RGS6: variants seen among roughly 807,000 people sequenced by gnomAD.
RGS6 encodes regulator of G-protein signaling 6.
In RGS6, 30 loss-of-function variants were observed where a neutral mutation model predicts 78.5. That is an observed-to-expected ratio of 0.38 (90% CI 0.29 to 0.52). The LOEUF is 0.52. Ranked by LOEUF, RGS6 falls within the 20% of genes least tolerant of loss-of-function variation. The pLI is 0.85. For missense variants in RGS6, 495 were observed against 609.7 expected, an observed-to-expected ratio of 0.81 and a Z score of 1.98; for synonymous variants, 206 against 206.0, an observed-to-expected ratio of 1.00 and a Z score of 0.00.
chr14:72,024,071 A>G (rs1404156246), intron 2 of RGS6, among the ~76,000 whole-genome samples: 1 of 122,136 alleles, frequency 8.2e-6, no homozygotes, highest in East Asian at 2.9e-4. Flanking sequence ...TGTGTCTAGC[A>G]CATAACGAGG....
upstream of RGS6, among the ~76,000 whole-genome samples, chr14:71,931,051 G>T (rs2087822330): frequency 7.8e-6 from 1 of 128,934 alleles, no homozygotes; most frequent in Non-Finnish European, 1.6e-5. Flanking sequence ...TTCCCTAGTT[G>T]CTACCTTTCG....
the RGS6 span, among the ~76,000 whole-genome samples, chr14:71,913,733 C>A: frequency 6.6e-6 from 1 of 152,240 alleles, no homozygotes; most frequent in Non-Finnish European, 1.5e-5. Context: ...TCTCTTCCTG[C>A]TCTTTGGTCA....
At chr14:72,597,640 GT>G in the RGS6 span, among the ~76,000 whole-genome samples, 1 of 121,906 alleles carries the variant, frequency 8.2e-6, no homozygotes, top group Non-Finnish European at 1.9e-5. Flanking sequence ...GGGTTATATA[GT>G]GAGAAGCTTT....
chr14:72,193,272 G>A (rs148049294), intron 2 of RGS6, among the ~76,000 whole-genome samples: 5,441 of 152,266 alleles, frequency 0.036, 139 homozygotes, highest in Admixed American at 0.083. Flanking sequence ...GGGATTTCAG[G>A]CATGAGCCAC....
intron 7 of RGS6, among the ~76,000 whole-genome samples, chr14:72,467,867 T>G (rs534590124): frequency 6.6e-6 from 1 of 152,272 alleles, no homozygotes; most frequent in African/African-American, 2.4e-5. Context: ...TTGTACTCTT[T>G]GTGCGCCCAG....
chr14:71,875,682 GC>G, the RGS6 span, among the ~76,000 whole-genome samples: 1 of 152,056 alleles, frequency 6.6e-6, no homozygotes, highest in Non-Finnish European at 1.5e-5. Flanking sequence ...CTTGCCTTCT[GC>G]TAGCTTTTGA....
chr14:72,522,954 C>T (rs1598671798), intron 15 of RGS6, among the ~76,000 whole-genome samples: 5 of 152,194 alleles, frequency 3.3e-5, no homozygotes, highest in Non-Finnish European at 7.3e-5. Context: ...GCCATGGCAA[C>T]ACAGCAATCT....
At chr14:71,966,624 A>G (rs542466552) in intron 2 of RGS6, among the ~76,000 whole-genome samples, 5 of 152,232 alleles carry the variant, frequency 3.3e-5, no homozygotes, top group Admixed American at 1.3e-4. Flanking sequence ...ATGAGCCACA[A>G]TTTTTTCATC....
At chr14:71,957,281 GGAT>G (rs1383127269) in intron 1 of RGS6, among the ~76,000 whole-genome samples, 1 of 152,178 alleles carries the variant, frequency 6.6e-6, no homozygotes, top group Non-Finnish European at 1.5e-5. Context: ...ACAGCAGTGA[GGAT>G]GAGCAGAAAG....
intron 3 of RGS6, among the ~76,000 whole-genome samples, chr14:72,395,804 T>C (rs1343978538): frequency 6.6e-6 from 1 of 152,090 alleles, no homozygotes; most frequent in Non-Finnish European, 1.5e-5. Flanking sequence ...TCCCTTGCGA[T>C]AGTTTGCTGA....
chr14:72,073,709 C>G (rs2094483431), intron 2 of RGS6, among the ~76,000 whole-genome samples: 1 of 152,110 alleles, frequency 6.6e-6, no homozygotes, highest in African/African-American at 2.4e-5. Flanking sequence ...CAGACAATGG[C>G]CTTGGCTGGA....
chr14:72,398,216 C>A (rs2152984616), intron 3 of RGS6, among the ~76,000 whole-genome samples: 1 of 152,234 alleles, frequency 6.6e-6, no homozygotes, highest in East Asian at 1.9e-4. Flanking sequence ...TTAATTATTG[C>A]CTCAATTTGA....
At chr14:72,004,557 A>G (rs4902972) in intron 2 of RGS6, among the ~76,000 whole-genome samples, 125,032 of 152,196 alleles carry the variant, frequency 0.82, 52,259 homozygotes, top group South Asian at 0.9. Flanking sequence ...TCTCAAGCTC[A>G]GCACAGTGGT....
intron 2 of RGS6, among the ~76,000 whole-genome samples, chr14:71,984,308 A>AC (rs1566960524): frequency 1.8e-5 from 2 of 110,044 alleles, no homozygotes; most frequent in African/African-American, 6.4e-5. Context: ...TAAAAAAAAA[A>AC]AAAAAAAAAA....
At chr14:71,876,928 C>T in the RGS6 span, among the ~76,000 whole-genome samples, 1 of 152,128 alleles carries the variant, frequency 6.6e-6, no homozygotes, top group Non-Finnish European at 1.5e-5. Flanking sequence ...TTCTCCTTCA[C>T]TTATGAAGCT....
At chr14:72,530,968 C>CTAGACAG (rs1306135744) in intron 15 of RGS6, among the ~76,000 whole-genome samples, 2 of 127,702 alleles carry the variant, frequency 1.6e-5, no homozygotes, top group Non-Finnish European at 3.2e-5. Flanking sequence ...TGAGCCTGTG[C>CTAGACAG]TAGACAGTAT....
chr14:72,271,130 T>C (rs2059868952), intron 2 of RGS6, among the ~76,000 whole-genome samples: 1 of 152,164 alleles, frequency 6.6e-6, no homozygotes, highest in Admixed American at 6.5e-5. Flanking sequence ...TCATTAATAT[T>C]GTTCCTCTCG....
intron 3 of RGS6, among the ~76,000 whole-genome samples, chr14:72,452,017 T>C (rs1308264042): frequency 1.3e-5 from 2 of 152,178 alleles, no homozygotes; most frequent in East Asian, 1.9e-4. Flanking sequence ...CCAAAAGTGT[T>C]GGGATTATAG....
intron 17 of RGS6, among the ~76,000 whole-genome samples, chr14:72,554,083 A>G (rs2097540095): frequency 6.6e-6 from 1 of 152,214 alleles, no homozygotes; most frequent in African/African-American, 2.4e-5. Context: ...TGCCTGCTAA[A>G]TTGCATTCCT....
Sources: gnomAD v4.1 joint callset for allele counts (sites outside exome capture counted in the v4.1 genomes callset) on GRCh38, gnomAD v4.1.1 for gene constraint, MANE v1.5 for transcripts, NCBI Gene and HGNC (gene_info 2026-07-23, HGNC 2026-07-21) for gene names.